The following GTF3C6 variants were observed in gnomAD, a reference collection of about 807,000 sequenced individuals.
GTF3C6 encodes the protein general transcription factor 3C polypeptide 6.
In GTF3C6, 11 loss-of-function variants were observed where a neutral mutation model predicts 19.2. The ratio of observed to expected loss-of-function variants is 0.57; its 90% CI spans 0.36 to 0.95. The LOEUF (loss-of-function observed/expected upper bound fraction) is 0.95, where lower values mean the gene tolerates loss of function less well. Ranked by LOEUF, GTF3C6 falls within the 40% of genes least tolerant of loss-of-function variation. The pLI is 0.01. For missense variants in GTF3C6, 222 were observed against 254.7 expected, an observed-to-expected ratio of 0.87 and a Z score of 0.87; for synonymous variants, 87 against 84.2, an observed-to-expected ratio of 1.03 and a Z score of -0.18.
chr6:110,959,756 G>A (rs930108842), intron 2 of GTF3C6, among the ~76,000 whole-genome samples: 2 of 151,972 alleles, frequency 1.3e-5, no homozygotes, highest in Non-Finnish European at 2.9e-5. Flanking sequence ...CCAGGAGTTC[G>A]AGACCAGCCT....
intron 5 of GTF3C6, among the ~76,000 whole-genome samples, chr6:110,962,965 G>A (rs1771181609): frequency 6.6e-6 from 1 of 152,154 alleles, no homozygotes; most frequent in African/African-American, 2.4e-5. Context: ...TTTTAGTATA[G>A]ACGGGGTTTT....
At chr6:110,965,665 T>C (rs1235774330) in intron 5 of GTF3C6, among the ~76,000 whole-genome samples, 2 of 152,186 alleles carry the variant, frequency 1.3e-5, no homozygotes, top group Non-Finnish European at 2.9e-5. Flanking sequence ...TTAGCTATCA[T>C]TGGGATATTC....
At chr6:110,966,951 C>T (rs968844938) in intron 5 of GTF3C6, among the ~76,000 whole-genome samples, 1 of 151,986 alleles carries the variant, frequency 6.6e-6, no homozygotes, top group Non-Finnish European at 1.5e-5. Context: ...GTCAGGAGTT[C>T]GAGACCAGCC....
intron 5 of GTF3C6, among the ~76,000 whole-genome samples, chr6:110,966,982 C>T (rs1003340731): frequency 2.0e-5 from 3 of 151,796 alleles, no homozygotes; most frequent in African/African-American, 4.8e-5. Flanking sequence ...AGTGAAATTC[C>T]GTCTCTATTG....
rs774430975 is a variant in GTF3C6, at chr6:110,960,454, G to A, written c.179G>A (p.Cys60Tyr). ...TERPILQVDSCVFAGEYEDTL... is the reference protein window; with the variant it reads ...TERPILQVDSYVFAGEYEDTL... ...AGGCCCATTCTGCAAGTGGACAGCT[G>A]TGTCTTTGCTGGGGAGTATGAAGGT... Residue 60 changes from cysteine (C) to tyrosine (Y), a missense_variant, in exon 3 of 6, where the codon TGT becomes TAT. Physicochemically the swap from Cys to Tyr is radical, Grantham distance 194. Transcript: ENST00000329970. 63 of 1,613,856 alleles carry A rather than the reference G, an allele frequency of 3.9e-5. No homozygotes were observed. Among genetic ancestry groups the A allele is most frequent in the Middle Eastern group, 1.6e-4 (1 of 6,082 alleles).
intron 5 of GTF3C6, among the ~76,000 whole-genome samples, chr6:110,962,841 C>G (rs533123281): frequency 6.6e-6 from 1 of 152,042 alleles, no homozygotes; most frequent in African/African-American, 2.4e-5. Flanking sequence ...TGCAGTGTCG[C>G]GATCTCGGCT....
intron 2 of GTF3C6, among the ~76,000 whole-genome samples, chr6:110,959,620 T>C (rs1054698990): frequency 6.6e-6 from 1 of 151,500 alleles, no homozygotes; most frequent in Non-Finnish European, 1.5e-5. Context: ...GCCCAGGAAT[T>C]GGAGACCATC....
intron 2 of GTF3C6, 25 bp downstream of exon 2, chr6:110,959,277 T>C: frequency 1.4e-6 from 2 of 1,388,856 alleles, no homozygotes; most frequent in Non-Finnish European, 2.1e-6. Flanking sequence ...CTTGGGGGGA[T>C]TGTTCTAGAG....
At chr6:110,965,244 G>A (rs1771216435) in intron 5 of GTF3C6, among the ~76,000 whole-genome samples, 1 of 151,232 alleles carries the variant, frequency 6.6e-6, no homozygotes, top group African/African-American at 2.4e-5. Flanking sequence ...CCAAAGTGTT[G>A]GGATTACAGT....
intron 1 of GTF3C6, 34 bp downstream of exon 1, chr6:110,958,860 G>A (rs1434978679): frequency 1.0e-5 from 16 of 1,544,510 alleles, no homozygotes; most frequent in African/African-American, 1.4e-5. Flanking sequence ...CTGCACCGCA[G>A]TGGCGGTGAT....
chr6:110,962,467 C>T lies in GTF3C6; in HGVS notation c.323C>T (p.Thr108Ile). ...HTMKKLSMTRTLLTEKKEGEE... is the reference protein window; with the variant it reads ...HTMKKLSMTRILLTEKKEGEE... ...ATGAAGAAGCTCAGCATGACAAGAA[C>T]TCTCCTGACAGAGAAGAAGGAAGGA... The change falls in exon 5 of 6, where the codon ACT becomes ATT. Residue 108 changes from threonine (T) to isoleucine (I), a missense_variant. By Grantham distance (89) the Thr-to-Ile change is moderately conservative. Coordinates refer to ENST00000329970, the MANE Select transcript of GTF3C6 (RefSeq NM_138408.4). 6.2e-7 allele frequency: 1 copy of T among 1,610,948 alleles called. No individual in the cohort carries two copies. Among genetic ancestry groups the T allele is most frequent in the East Asian group, 2.2e-5 (1 of 44,860 alleles).
chr6:110,964,377 T>C (rs893932635), intron 5 of GTF3C6, among the ~76,000 whole-genome samples: 18 of 151,922 alleles, frequency 1.2e-4, no homozygotes, highest in African/African-American at 3.6e-4. Context: ...CCTGAGTAGC[T>C]GAGACTACAG....
intron 5 of GTF3C6, among the ~76,000 whole-genome samples, chr6:110,964,274 T>C (rs890340195): frequency 4.6e-5 from 7 of 151,976 alleles, no homozygotes; most frequent in Non-Finnish European, 1.0e-4. Flanking sequence ...AGATGGAGTT[T>C]CACTCCGTCG....
In GTF3C6 at chr6:110,962,437, A is replaced by G; in HGVS notation, c.293A>G (p.His98Arg). ...AAAACAGTGCTAAAATATAAATGCC[A>G]TACAATGAAGAAGCTCAGCATGACA... Reference protein sequence around the residue: ...NNKTVLKYKCHTMKKLSMTRT... With the variant: ...NNKTVLKYKCRTMKKLSMTRT... Residue 98 changes from histidine (H) to arginine (R), a missense_variant, in exon 5 of 6, where the codon CAT becomes CGT. Physicochemically the swap from His to Arg is conservative, Grantham distance 29. Coordinates refer to ENST00000329970, the MANE Select transcript of GTF3C6 (RefSeq NM_138408.4). The G allele has an allele frequency of 6.2e-7, 1 of 1,612,192 alleles. No individual in the cohort carries two copies. Among genetic ancestry groups the G allele is most frequent in the East Asian group, 2.2e-5 (1 of 44,866 alleles).
intron 5 of GTF3C6, among the ~76,000 whole-genome samples, chr6:110,966,093 C>G (rs1319989501): frequency 6.6e-6 from 1 of 152,174 alleles, no homozygotes; most frequent in Non-Finnish European, 1.5e-5. Flanking sequence ...TGAATGTCCT[C>G]CTGATATGGC....
rs996083141 is a variant in GTF3C6 at position 110,963,013 on chromosome 6, A to G, written c.361+508A>G. Among the ~76,000 whole-genome samples, 8 of 152,060 alleles carry G rather than the reference A, an allele frequency of 5.3e-5. 1 individual carries two copies. Among genetic ancestry groups the G allele is most frequent in the African/African-American group, 1.9e-4 (8 of 41,414 alleles). On this transcript the variant is annotated intron_variant, in intron 5 of 5. Coordinates refer to ENST00000329970, the MANE Select transcript of GTF3C6 (RefSeq NM_138408.4). ...AGGATGCTCTCAATCTCTTGACGTC[A>G]TGATCCGCCCGCCTTGGCTTCCCAA...
At position 110,967,822 on chromosome 6, in the gene GTF3C6, T is replaced by C. The variant is rs761575346; in HGVS notation, c.*32T>C. The C allele has an allele frequency of 1.0e-5, 16 of 1,550,414 alleles. 1 individual carries two copies. In the Admixed American group the frequency reaches 2.1e-4, roughly 20 times the overall value. ...CTCCTAGATGAAATGTTTCTCATAA[T>C]AACTTGTCAAGAACTTTTTAGAGTT... is the stretch of plus-strand genomic sequence containing the variant. On this transcript the variant is annotated 3_prime_UTR_variant, in exon 6 of 6. Coordinates refer to ENST00000329970, the MANE Select transcript of GTF3C6 (RefSeq NM_138408.4).
intron 4 of GTF3C6, among the ~76,000 whole-genome samples, chr6:110,960,826 A>G (rs879272743): frequency 3.0e-4 from 45 of 151,982 alleles, no homozygotes; most frequent in Admixed American, 7.2e-4. Flanking sequence ...CAAGGCAGGC[A>G]GGTTACTTGA....
At chr6:110,960,130 C>T (rs1771141336) in intron 2 of GTF3C6, among the ~76,000 whole-genome samples, 1 of 152,094 alleles carries the variant, frequency 6.6e-6, no homozygotes, top group Non-Finnish European at 1.5e-5. Flanking sequence ...AAATAGATGA[C>T]AGATAGACTC....
Sources: gnomAD v4.1 joint callset for allele counts (sites outside exome capture counted in the v4.1 genomes callset) on GRCh38, gnomAD v4.1.1 for gene constraint, MANE v1.5 for transcripts, NCBI Gene and HGNC (gene_info 2026-07-23, HGNC 2026-07-21) for gene names.